Variants in SPAST observed in about 807,000 individuals in gnomAD.
SPAST encodes the protein spastin.
SPAST carries 30 observed loss-of-function variants against 76.6 expected under a neutral mutation model. The observed-to-expected ratio is 0.39, with a 90% CI of 0.29 to 0.53. SPAST has a LOEUF of 0.53. Among genes scored for constraint, SPAST ranks in the 20% least tolerant of loss-of-function variants. The pLI is 0.68. For synonymous variants in SPAST, 305 were observed against 281.0 expected, an observed-to-expected ratio of 1.09 and a Z score of -0.86; for missense variants, 717 against 770.5, an observed-to-expected ratio of 0.93 and a Z score of 0.82.
rs549027516 is a variant in SPAST, at chr2:32,074,177, G to A, written c.415+9931G>A. Among the ~76,000 whole-genome samples, 147 of 152,312 alleles carry A rather than the reference G, an allele frequency of 9.7e-4. 1 individual carries two copies. The highest frequency in any genetic ancestry group is 3.5e-3 in the African/African-American group (145 of 41,578). ...TCTGATTTGGATGCTACCAGGAGCT[G>A]CGAATAATTCTATGAATAAATATCA... is the stretch of plus-strand genomic sequence containing the variant. On this transcript the variant is annotated intron_variant, in intron 1 of 16. Transcript: ENST00000315285.
intron 3 of SPAST, among the ~76,000 whole-genome samples, chr2:32,093,602 T>C (rs1390880694): frequency 7.9e-5 from 12 of 152,258 alleles, no homozygotes; most frequent in Admixed American, 5.2e-4. Context: ...TTATTTTTTA[T>C]GTTTATTGTG....
At chr2:32,107,466 T>C (rs1333809032) in intron 4 of SPAST, among the ~76,000 whole-genome samples, 1 of 152,144 alleles carries the variant, frequency 6.6e-6, no homozygotes, top group Non-Finnish European at 1.5e-5. Flanking sequence ...TTGGTCAAGC[T>C]AGTCTGAGAC....
intron 1 of SPAST, among the ~76,000 whole-genome samples, chr2:32,075,547 C>CTTTT (rs773998404): frequency 0.026 from 2,200 of 85,468 alleles, 222 homozygotes; most frequent in Middle Eastern, 0.064. Context: ...TGGCTTTTTT[C>CTTTT]TTTTTTTTTT....
At chr2:32,096,509 C>T (rs1677920629) in intron 3 of SPAST, among the ~76,000 whole-genome samples, 1 of 152,040 alleles carries the variant, frequency 6.6e-6, no homozygotes, top group Admixed American at 6.6e-5. Context: ...TATGACTCCT[C>T]CTCCAAGAAA....
intron 7 of SPAST, among the ~76,000 whole-genome samples, chr2:32,122,824 T>C (rs906012059): frequency 2.8e-4 from 43 of 151,916 alleles, no homozygotes; most frequent in Non-Finnish European, 1.3e-4. Flanking sequence ...ATAACATGAT[T>C]GCATATGTAG....
At chr2:32,075,925 G>C (rs1426068422) in intron 1 of SPAST, among the ~76,000 whole-genome samples, 1 of 102,024 alleles carries the variant, frequency 9.8e-6, no homozygotes, top group Non-Finnish European at 1.8e-5. Context: ...TTTTGAGACA[G>C]AGTCTCGCTC....
rs1203465716 is a variant in SPAST at position 32,095,586 on chromosome 2, A to G, written c.587-3210A>G. Among the ~76,000 whole-genome samples, 3 of 149,788 alleles carry G rather than the reference A, an allele frequency of 2.0e-5. No homozygotes were observed. In the South Asian group the frequency reaches 6.4e-4, roughly 32 times the overall value. ...ATGTCTAAATTTAAAAAAAAAAAAA[A>G]TAGCCAGGAGTGGTGATGTGCACCT... is the stretch of plus-strand genomic sequence containing the variant. On this transcript the variant is annotated intron_variant, in intron 3 of 16. Coordinates refer to ENST00000315285, the MANE Select transcript of SPAST (RefSeq NM_014946.4).
intron 10 of SPAST, 107 bp from the exon 11 acceptor site, chr2:32,136,770 T>TTA: frequency 8.3e-7 from 1 of 1,198,990 alleles, no homozygotes; most frequent in South Asian, 1.2e-5. Context: ...GACTATCTAA[T>TTA]GAATTTAGTA....
At chr2:32,077,840 A>G (rs1677026933) in intron 1 of SPAST, 2 of 152,276 alleles carry the variant, frequency 1.3e-5, no homozygotes, top group South Asian at 4.1e-4. Context: ...AACATACTAA[A>G]AAATAATGCA....
At chr2:32,100,194 T>C (rs1237903801) in intron 4 of SPAST, among the ~76,000 whole-genome samples, 1 of 152,154 alleles carries the variant, frequency 6.6e-6, no homozygotes, top group African/African-American at 2.4e-5. Flanking sequence ...GTCTTTTTGA[T>C]AATAGCCATC....
chr2:32,086,224 AG>A (rs1677468784), intron 1 of SPAST, among the ~76,000 whole-genome samples: 2 of 152,098 alleles, frequency 1.3e-5, no homozygotes, highest in Non-Finnish European at 2.9e-5. Flanking sequence ...TCGGGAGACC[AG>A]GGCAGGAGGA....
At chr2:32,134,103 A>G (rs913999837) in intron 9 of SPAST, among the ~76,000 whole-genome samples, 8 of 152,116 alleles carry the variant, frequency 5.3e-5, no homozygotes, top group African/African-American at 1.9e-4. Context: ...TGGCGTGATC[A>G]TGGCTCACTG....
At chr2:32,112,849 C>G (rs1259202353) in intron 4 of SPAST, among the ~76,000 whole-genome samples, 1 of 150,688 alleles carries the variant, frequency 6.6e-6, no homozygotes, top group African/African-American at 2.4e-5. Flanking sequence ...TTTTTTTTGG[C>G]CACTCTAATT....
Position 32,115,715 on chromosome 2 carries a change from C to G in SPAST, c.884C>G (p.Thr295Arg). ...GTATCCTTTAAGGGTACTCCGAAAA[C>G]AAATAGGACAAATAAACCTTCTACC... ...APTTHKGTPK[T>R]NRTNKPSTPT... The change falls in exon 6 of 17, where the codon ACA becomes AGA. Residue 295 changes from threonine to arginine, a missense_variant. Physicochemically the swap from Thr to Arg is moderately conservative, Grantham distance 71. Coordinates refer to ENST00000315285, the MANE Select transcript of SPAST (RefSeq NM_014946.4). The G allele has an allele frequency of 6.2e-7, 1 of 1,608,430 alleles. No individual in the cohort carries two copies. The highest frequency in any genetic ancestry group is 8.5e-7 in the Non-Finnish European group (1 of 1,175,726).
chr2:32,140,953 T>G (rs199951934), intron 12 of SPAST, among the ~76,000 whole-genome samples: 53,020 of 149,114 alleles, frequency 0.36, 10,041 homozygotes, highest in East Asian at 0.63. Context: ...GTTTTTTTTT[T>G]TTTTTTTTTA....
Position 32,063,983 on chromosome 2 carries a change from A to G in SPAST, c.152A>G (p.Tyr51Cys), listed in dbSNP as rs1356486929. The G allele has an allele frequency of 1.9e-6, 3 of 1,613,122 alleles. No homozygotes were observed. The highest frequency in any genetic ancestry group is 2.5e-6 in the Non-Finnish European group (3 of 1,179,444). ...PPESPHKRNL[Y>C]YFSYPLFVGF... ...GAGTCGCCGCATAAGCGGAACCTGT[A>G]CTATTTCTCCTACCCGCTGTTTGTA... is the stretch of plus-strand genomic sequence containing the variant. The change falls in exon 1 of 17, where the codon TAC (tyrosine) becomes TGC (cysteine). Residue 51 changes from tyrosine to cysteine, a missense_variant. By Grantham distance (194) the Tyr-to-Cys change is radical (BLOSUM62 -2). Coordinates refer to ENST00000315285, the MANE Select transcript of SPAST (RefSeq NM_014946.4).
chr2:32,103,414 C>T (rs1041359545), intron 4 of SPAST, among the ~76,000 whole-genome samples: 2 of 152,050 alleles, frequency 1.3e-5, no homozygotes, highest in African/African-American at 4.8e-5. Flanking sequence ...TTTCAAAAAA[C>T]CAGCTCCTGG....
chr2:32,075,977 T>C lies in SPAST; in HGVS notation c.416-11515T>C, dbSNP rs536499015. ...GTGCAGTGGTGTGATCTCGGCTCAC[T>C]GCAACCTCTGCCTCCCAGGTTGAAG... On this transcript the variant is annotated intron_variant, in intron 1 of 16. Coordinates refer to ENST00000315285, the MANE Select transcript of SPAST (RefSeq NM_014946.4). Among the ~76,000 whole-genome samples the C allele has an allele frequency of 3.6e-5, 5 of 138,462 alleles. 1 individual carries two copies. In the South Asian group the frequency reaches 1.2e-3, roughly 34 times the overall value. 90.8% of individuals were successfully genotyped at this position (138,462 alleles called of 152,430 possible).
intron 1 of SPAST, among the ~76,000 whole-genome samples, chr2:32,083,596 A>G (rs115802207): frequency 0.012 from 1,848 of 148,536 alleles, 13 homozygotes; most frequent in Non-Finnish European, 0.019. Flanking sequence ...ATCTTTTTAT[A>G]CGCTTACTTG....
Sources: allele counts gnomAD v4.1 joint callset (sites outside exome capture counted in the v4.1 genomes callset), GRCh38; gene constraint gnomAD v4.1.1; transcripts MANE v1.5; gene names NCBI Gene and HGNC (gene_info 2026-07-23, HGNC 2026-07-21).